Variants in LRRTM4 observed in about 807,000 individuals in gnomAD.
LRRTM4 encodes leucine-rich repeat transmembrane neuronal protein 4.
In LRRTM4, 25 loss-of-function variants were observed where a neutral mutation model predicts 47.6. That is an observed-to-expected ratio of 0.53 (90% CI 0.38 to 0.73). The LOEUF (loss-of-function observed/expected upper bound fraction) is 0.73, where lower values mean the gene tolerates loss of function less well. LRRTM4 is among the 30% of genes least tolerant of loss of function. The probability of loss-of-function intolerance (pLI) is 0.00; values close to 1 mark genes in which losing one functional copy is unlikely to be tolerated. For synonymous variants in LRRTM4, 311 were observed against 269.5 expected (o/e 1.15, Z -1.51); for missense variants, 638 against 713.4 (o/e 0.89, Z 1.20).
In LRRTM4 at chr2:77,217,804, G is replaced by C. The variant is rs914629231; in HGVS notation, c.1551+300514C>G. Reference sequence around the variant, plus strand: ...TGATGTAGCAATCTGCTTTACTCTTGATTGTACTGAGAGCATGGAACATTC... The same window carrying C: ...TGATGTAGCAATCTGCTTTACTCTTCATTGTACTGAGAGCATGGAACATTC... On this transcript the variant is annotated intron_variant, in intron 3 of 3. Transcript: ENST00000409884. Among the ~76,000 whole-genome samples, 4 of 151,854 alleles carry C rather than the reference G, an allele frequency of 2.6e-5. No individual in the cohort carries two copies. In the East Asian group the frequency reaches 7.8e-4, roughly 29 times the overall value.
chr2:77,122,123 A>C (rs1245466952), intron 3 of LRRTM4, among the ~76,000 whole-genome samples: 1 of 151,772 alleles, frequency 6.6e-6, no homozygotes. Context: ...AACAACATTT[A>C]TACTAACAGC....
At chr2:77,114,842 A>G (rs572902144) in intron 3 of LRRTM4, among the ~76,000 whole-genome samples, 55 of 152,258 alleles carry the variant, frequency 3.6e-4, no homozygotes, top group African/African-American at 1.3e-3. Context: ...ACGTGCTCCA[A>G]AGGGCAATAA....
chr2:77,290,755 A>G (rs1393201083), intron 3 of LRRTM4, among the ~76,000 whole-genome samples: 1 of 152,032 alleles, frequency 6.6e-6, no homozygotes, highest in East Asian at 1.9e-4. Flanking sequence ...TTCACAACAG[A>G]GCCATACCTG....
chr2:77,449,651 C>T (rs1295479680), intron 3 of LRRTM4, among the ~76,000 whole-genome samples: 1 of 152,116 alleles, frequency 6.6e-6, no homozygotes, highest in African/African-American at 2.4e-5. Context: ...TGGTGATAGC[C>T]GGGACTATAC....
At position 76,922,292 on chromosome 2, in the gene LRRTM4, G is replaced by C. The variant is rs1330880885; in HGVS notation, c.1552-173376C>G. Among the ~76,000 whole-genome samples, 4 of 152,038 alleles carry C rather than the reference G, an allele frequency of 2.6e-5. No homozygotes were observed. In the East Asian group the frequency reaches 7.7e-4, roughly 29 times the overall value. On this transcript the variant is annotated intron_variant, in intron 3 of 3. Transcript: ENST00000409884. ...TTCAGGCTTAACAGGAAGCATTACT[G>C]AGAGTCCTCAGGAAGCTTACAATCA...
intron 3 of LRRTM4, among the ~76,000 whole-genome samples, chr2:76,763,474 G>C (rs898413968): frequency 2.6e-5 from 4 of 152,228 alleles, no homozygotes; most frequent in African/African-American, 9.6e-5. Context: ...CACAACCTAA[G>C]AGAAGAGTTC....
chr2:77,090,292 TTCTC>T (rs888161205), intron 3 of LRRTM4, among the ~76,000 whole-genome samples: 17 of 152,148 alleles, frequency 1.1e-4, no homozygotes, highest in African/African-American at 3.6e-4. Flanking sequence ...TTTAGGCTCT[TTCTC>T]ATCAAATATA....
chr2:77,241,414 T>TGTC (rs1173839749), intron 3 of LRRTM4, among the ~76,000 whole-genome samples: 2 of 151,748 alleles, frequency 1.3e-5, no homozygotes, highest in Non-Finnish European at 2.9e-5. Flanking sequence ...ACATTTAGTT[T>TGTC]AAAATGAGTC....
intron 3 of LRRTM4, among the ~76,000 whole-genome samples, chr2:77,415,995 G>A (rs1344336649): frequency 2.0e-5 from 3 of 151,992 alleles, no homozygotes; most frequent in African/African-American, 4.8e-5. Context: ...TATGTAGTAA[G>A]TCTATATAAT....
intron 3 of LRRTM4, among the ~76,000 whole-genome samples, chr2:77,188,952 A>T (rs985007127): frequency 6.6e-6 from 1 of 152,208 alleles, no homozygotes; most frequent in Admixed American, 6.6e-5. Flanking sequence ...TCAGTCTTGC[A>T]TCCCATCTTG....
intron 3 of LRRTM4, among the ~76,000 whole-genome samples, chr2:76,809,211 G>C (rs960757336): frequency 6.6e-6 from 1 of 152,042 alleles, no homozygotes; most frequent in Non-Finnish European, 1.5e-5. Context: ...TCAGTGGTCA[G>C]TCTCCTGTAC....
chr2:77,325,184 C>G (rs956890983), intron 3 of LRRTM4, among the ~76,000 whole-genome samples: 4 of 152,112 alleles, frequency 2.6e-5, no homozygotes, highest in Admixed American at 6.6e-5. Flanking sequence ...GGACTGCCCC[C>G]CTTCAAAGAG....
intron 3 of LRRTM4, among the ~76,000 whole-genome samples, chr2:77,486,794 A>T (rs552509966): frequency 3.0e-4 from 46 of 152,336 alleles, no homozygotes; most frequent in African/African-American, 1.0e-3. Flanking sequence ...ACACAAAGAG[A>T]TATGCCACTT....
intron 3 of LRRTM4, among the ~76,000 whole-genome samples, chr2:76,936,677 G>A (rs139406874): frequency 0.012 from 1,862 of 151,118 alleles, 40 homozygotes; most frequent in African/African-American, 0.043. Context: ...CCACCTGGCC[G>A]GGCACAGTGA....
At chr2:76,755,968 T>C (rs1225937261) in intron 3 of LRRTM4, among the ~76,000 whole-genome samples, 1 of 152,068 alleles carries the variant, frequency 6.6e-6, no homozygotes, top group Non-Finnish European at 1.5e-5. Context: ...TTAAACACAA[T>C]TGACCAGCAT....
chr2:76,909,132 G>T (rs1420790164), intron 3 of LRRTM4, among the ~76,000 whole-genome samples: 7 of 152,238 alleles, frequency 4.6e-5, no homozygotes, highest in Non-Finnish European at 7.4e-5. Context: ...CATGGCACTG[G>T]CACCAAAACA....
At chr2:77,164,427 A>T (rs1672822224) in intron 3 of LRRTM4, among the ~76,000 whole-genome samples, 1 of 152,212 alleles carries the variant, frequency 6.6e-6, no homozygotes, top group African/African-American at 2.4e-5. Context: ...AAGGATACCC[A>T]GGAATTGAAT....
chr2:77,385,729 T>G (rs955766139), intron 3 of LRRTM4, among the ~76,000 whole-genome samples: 1 of 148,932 alleles, frequency 6.7e-6, no homozygotes, highest in Non-Finnish European at 1.5e-5. Flanking sequence ...TATATTTATG[T>G]AGTACATGGT....
rs568228757 is a variant in LRRTM4 at position 76,991,819 on chromosome 2, AC to A, written c.1552-242904del. Among the ~76,000 whole-genome samples the A allele has an allele frequency of 2.0e-5, 3 of 151,918 alleles. No homozygotes were observed. In the East Asian group the frequency reaches 5.8e-4, roughly 29 times the overall value. Reference sequence around the variant, plus strand: ...CATTACCTTGATAATAAAACCAGGCACAAACACAACAAAAAAAGAAAACTCA... The same window carrying A: ...CATTACCTTGATAATAAAACCAGGCAAAACACAACAAAAAAAGAAAACTCA... On this transcript the variant is annotated intron_variant, in intron 3 of 3. Coordinates refer to ENST00000409884, the MANE Select transcript of LRRTM4 (RefSeq NM_001134745.3).
Sources: gnomAD v4.1 joint callset for allele counts (sites outside exome capture counted in the v4.1 genomes callset) on GRCh38, gnomAD v4.1.1 for gene constraint, MANE v1.5 for transcripts, NCBI Gene and HGNC (gene_info 2026-07-23, HGNC 2026-07-21) for gene names.